Variants in DYNC2I1 observed in about 807,000 individuals in gnomAD.
DYNC2I1 encodes the protein dynein 2 intermediate chain 1, also known as cytoplasmic dynein 2 intermediate chain 1.
A neutral mutation model predicts 133.4 loss-of-function variants in DYNC2I1; 89 were observed. That is an observed-to-expected ratio of 0.67 (90% CI 0.56 to 0.80). The LOEUF (loss-of-function observed/expected upper bound fraction) is 0.80, where lower values mean the gene tolerates loss of function less well. Among genes scored for constraint, DYNC2I1 ranks in the 30% least tolerant of loss-of-function variants. DYNC2I1 has a pLI of 0.00. For missense variants in DYNC2I1, 1,291 were observed against 1,314.5 expected, an observed-to-expected ratio of 0.98 and a Z score of 0.28; for synonymous variants, 504 against 484.3, an observed-to-expected ratio of 1.04 and a Z score of -0.54.
At chr7:158,881,176 T>TGCATGG (rs1843968815) in intron 5 of DYNC2I1, among the ~76,000 whole-genome samples, 1 of 152,248 alleles carries the variant, frequency 6.6e-6, no homozygotes, top group Non-Finnish European at 1.5e-5. Context: ...GGCGCTGTCC[T>TGCATGG]GCATGGGGTC....
At chr7:158,894,218 A>C (rs1302422058) in intron 8 of DYNC2I1, among the ~76,000 whole-genome samples, 1 of 151,992 alleles carries the variant, frequency 6.6e-6, no homozygotes, top group Admixed American at 6.6e-5. Context: ...ATCATAGTGC[A>C]TATCCTACCA....
intron 12 of DYNC2I1, among the ~76,000 whole-genome samples, chr7:158,912,336 C>G: frequency 6.6e-6 from 1 of 152,186 alleles, no homozygotes; most frequent in East Asian, 1.9e-4. Context: ...TCTTACATTC[C>G]TGTTACTGGT....
At chr7:158,907,791 T>A (rs1016501837) in intron 11 of DYNC2I1, among the ~76,000 whole-genome samples, 4 of 151,902 alleles carry the variant, frequency 2.6e-5, no homozygotes, top group African/African-American at 9.7e-5. Flanking sequence ...ATTTTTTTTT[T>A]ATGTAGAGGC....
In DYNC2I1 at chr7:158,875,587, G is replaced by A. The variant is rs531857825; in HGVS notation, c.491-1022G>A. ...CATCGGTACCTGCCTGGCTCTGTTTGCCCCCGGTCTCTCTTGCAGGTCATA... is the reference window on the plus strand; with the variant it reads ...CATCGGTACCTGCCTGGCTCTGTTTACCCCCGGTCTCTCTTGCAGGTCATA... On this transcript the variant is annotated intron_variant, in intron 3 of 24. Transcript: ENST00000407559. Among the ~76,000 whole-genome samples, 15 of 152,250 alleles carry A rather than the reference G, an allele frequency of 9.9e-5. No individual in the cohort carries two copies. The East Asian group carries it at 2.9e-3, about 29-fold the overall frequency.
At chr7:158,889,140 G>A (rs932065209) in intron 7 of DYNC2I1, among the ~76,000 whole-genome samples, 1 of 148,238 alleles carries the variant, frequency 6.7e-6, no homozygotes, top group Non-Finnish European at 1.5e-5. Context: ...GAGCGCAGTG[G>A]CGCGATCTTG....
At chr7:158,857,426 T>G (rs1237182572) in intron 1 of DYNC2I1, among the ~76,000 whole-genome samples, 1 of 152,198 alleles carries the variant, frequency 6.6e-6, no homozygotes, top group Admixed American at 6.5e-5. Flanking sequence ...GGAATTTAAT[T>G]TGCATACATT....
intron 3 of DYNC2I1, among the ~76,000 whole-genome samples, chr7:158,874,368 CT>C (rs1335476862): frequency 6.6e-6 from 1 of 152,158 alleles, no homozygotes; most frequent in African/African-American, 2.4e-5. Flanking sequence ...TCACCACGCC[CT>C]GCTATTGGCC....
upstream of DYNC2I1, among the ~76,000 whole-genome samples, chr7:158,852,210 C>T (rs557108190): frequency 1.1e-3 from 167 of 152,028 alleles, no homozygotes; most frequent in African/African-American, 3.9e-3. Flanking sequence ...CAACCTCTGC[C>T]TCCTGGTTTC....
chr7:158,929,328 C>T (rs1849954273), intron 20 of DYNC2I1, among the ~76,000 whole-genome samples: 1 of 152,222 alleles, frequency 6.6e-6, no homozygotes, highest in Non-Finnish European at 1.5e-5. Flanking sequence ...GGGCGAAGAC[C>T]CCAGCCCGGG....
chr7:158,913,031 C>T lies in DYNC2I1; in HGVS notation c.1637C>T (p.Thr546Met), dbSNP rs1847645148. ...NEDNVERDIQ[T>M]EEIETREVWT... ...GATAATGTTGAAAGAGACATTCAAA[C>T]GGAGGAAATAGAGACCAGGGAAGTG... Residue 546 changes from threonine (T) to methionine (M), a missense_variant, in exon 13 of 25, where the codon ACG becomes ATG. Coordinates refer to ENST00000407559, the MANE Select transcript of DYNC2I1 (RefSeq NM_018051.5). The T allele has an allele frequency of 3.1e-6, 5 of 1,613,304 alleles. No homozygotes were observed. Among genetic ancestry groups the T allele is most frequent in the East Asian group, 2.2e-5 (1 of 44,842 alleles).
chr7:158,914,154 T>A (rs746823231), intron 13 of DYNC2I1, 79 bp from the exon 14 acceptor site: 207 of 1,164,658 alleles, frequency 1.8e-4, no homozygotes, highest in Non-Finnish European at 2.3e-4. Flanking sequence ...TTGTTAGGCC[T>A]GTTTGAACTC....
intron 23 of DYNC2I1, among the ~76,000 whole-genome samples, chr7:158,940,298 C>T (rs1368708246): frequency 6.6e-6 from 1 of 152,138 alleles, no homozygotes; most frequent in East Asian, 1.9e-4. Context: ...CCCTCGCATA[C>T]ACAGTTCACA....
At chr7:158,866,895 A>AAAAT (rs1166347584) in intron 1 of DYNC2I1, among the ~76,000 whole-genome samples, 1 of 152,042 alleles carries the variant, frequency 6.6e-6, no homozygotes, top group Admixed American at 6.6e-5. Flanking sequence ...AAAAAAAAAA[A>AAAAT]AAATTGTTTA....
chr7:158,889,381 C>T (rs2129481766), intron 7 of DYNC2I1, among the ~76,000 whole-genome samples: 1 of 152,092 alleles, frequency 6.6e-6, no homozygotes, highest in Admixed American at 6.6e-5. Context: ...CGTCTGGCCA[C>T]CCCTCCTGTT....
chr7:158,927,166 C>T, intron 20 of DYNC2I1, 123 bp downstream of exon 20: 3 of 655,104 alleles, frequency 4.6e-6, no homozygotes. Flanking sequence ...CGTTGGGAGG[C>T]TGAGGAAGGA....
At chr7:158,957,577 C>T (rs549833689), downstream of DYNC2I1, among the ~76,000 whole-genome samples, 6 of 152,332 alleles carry the variant, frequency 3.9e-5, no homozygotes, top group African/African-American at 1.2e-4. Context: ...GTGCCACGGG[C>T]TATGAGGAAC....
chr7:158,905,297 T>C (rs748859648), intron 10 of DYNC2I1: 4 of 309,008 alleles, frequency 1.3e-5, no homozygotes, highest in African/African-American at 2.2e-5. Context: ...CTCGTCACCA[T>C]GCCTGTCTAA....
intron 4 of DYNC2I1, among the ~76,000 whole-genome samples, chr7:158,953,253 T>A (rs1339531066): frequency 7.0e-6 from 1 of 143,642 alleles, no homozygotes; most frequent in African/African-American, 2.6e-5. Flanking sequence ...CTCCTCGCCC[T>A]CCTCTCCTGA....
chr7:158,847,451 G>C, the DYNC2I1 span, among the ~76,000 whole-genome samples: 11 of 151,866 alleles, frequency 7.2e-5, no homozygotes, highest in Non-Finnish European at 1.6e-4. Flanking sequence ...GAAAAAAAAG[G>C]CACAGAATGA....
Sources: gnomAD v4.1 joint callset for allele counts (sites outside exome capture counted in the v4.1 genomes callset) on GRCh38, gnomAD v4.1.1 for gene constraint, MANE v1.5 for transcripts, NCBI Gene and HGNC (gene_info 2026-07-23, HGNC 2026-07-21) for gene names.